Variants in SLC8A2 observed in about 807,000 individuals in gnomAD.
SLC8A2 encodes the protein solute carrier family 8 member A2.
Under a neutral mutation model 70.2 loss-of-function variants are expected in SLC8A2, and 14 were observed. The ratio of observed to expected loss-of-function variants is 0.20; its 90% CI spans 0.13 to 0.31. The LOEUF is 0.31. Among genes scored for constraint, SLC8A2 ranks in the 10% least tolerant of loss-of-function variants. The pLI is 1.00. For missense variants in SLC8A2, 779 were observed against 1,320.1 expected (o/e 0.59, Z 6.35); for synonymous variants, 575 against 594.3 (o/e 0.97, Z 0.47).
intron 8 of SLC8A2, among the ~76,000 whole-genome samples, chr19:47,435,572 G>A (rs1449946373): frequency 7.2e-6 from 1 of 138,388 alleles, no homozygotes; most frequent in Non-Finnish European, 1.5e-5. Context: ...TTTTTTAGAC[G>A]GAGTTTCGCT....
At chr19:47,464,505 C>T (rs1176699121) in intron 2 of SLC8A2, among the ~76,000 whole-genome samples, 3 of 152,192 alleles carry the variant, frequency 2.0e-5, no homozygotes, top group African/African-American at 7.2e-5. Context: ...TTCACCATGG[C>T]AGATGGGAAA....
At chr19:47,452,883 A>C (rs1443206732) in intron 3 of SLC8A2, among the ~76,000 whole-genome samples, 4 of 152,000 alleles carry the variant, frequency 2.6e-5, no homozygotes, top group African/African-American at 9.7e-5. Flanking sequence ...AAATACAAAA[A>C]TTAACCAGGT....
Position 47,430,484 on chromosome 19 carries a change from C to T in SLC8A2, c.2390-19G>A. 1 of 1,581,964 alleles carries T rather than the reference C, an allele frequency of 6.3e-7. No individual in the cohort carries two copies. The highest frequency in any genetic ancestry group is 1.1e-5 in the South Asian group (1 of 88,392). ...AACGTGTCTGCGAGGCAGAGACATACAGGTCGGAGGGGCTTTGCGCCGCCA... is the reference window on the plus strand; with the variant it reads ...AACGTGTCTGCGAGGCAGAGACATATAGGTCGGAGGGGCTTTGCGCCGCCA... On this transcript the variant is annotated intron_variant, in intron 9 of 9. Coordinates refer to ENST00000236877, the MANE Select transcript of SLC8A2 (RefSeq NM_015063.3). This position sits in a 1 kb window ranked among gnomAD's most constrained non-coding sequence, Gnocchi z 5.9.
At chr19:47,453,921 T>G (rs745785614) in intron 3 of SLC8A2, among the ~76,000 whole-genome samples, 18 of 151,946 alleles carry the variant, frequency 1.2e-4, no homozygotes, top group Non-Finnish European at 2.1e-4. Context: ...TGAGACTCTG[T>G]CTCAGACAAA....
intron 7 of SLC8A2, 127 bp downstream of exon 7, chr19:47,437,722 C>T: frequency 8.1e-7 from 1 of 1,238,676 alleles, no homozygotes; most frequent in Non-Finnish European, 1.2e-6. Context: ...CATGTGCTGT[C>T]CGTGGTCCTG....
rs185286968 is a variant in SLC8A2 at position 47,465,461 on chromosome 19, G to A, written c.675+268C>T. 3.3e-5 allele frequency among the ~76,000 whole-genome samples: 5 copies of A among 152,200 alleles called. No individual in the cohort carries two copies. Among genetic ancestry groups the A allele is most frequent in the South Asian group, 2.1e-4 (1 of 4,828 alleles). On this transcript the variant is annotated intron_variant, in intron 2 of 9. Coordinates refer to ENST00000236877, the MANE Select transcript of SLC8A2 (RefSeq NM_015063.3). The surrounding 1 kb of genome is among the most constrained non-coding windows in gnomAD (Gnocchi z 5.5). ...ACTGTTCTTAAGTGCAAAACAGTGCGTCCCTCTGGACAAATAAATGTTTGC... is the reference window on the plus strand; with the variant it reads ...ACTGTTCTTAAGTGCAAAACAGTGCATCCCTCTGGACAAATAAATGTTTGC...
At position 47,447,952 on chromosome 19, in the gene SLC8A2, G is replaced by A. The variant is rs370785847; in HGVS notation, c.1620C>T (p.Thr540=). 1.0e-4 allele frequency: 157 copies of A among 1,561,870 alleles called. No homozygotes were observed. The African/African-American group carries it at 1.9e-3, about 19-fold the overall frequency. ...RLLHVSECMG[T]VDVRVVRSSG... ...AGCTGCGCACGACGCGCACGTCCAC[G>A]GTGCCCATGCACTCGCTCACGTGCA... is the stretch of plus-strand genomic sequence containing the variant. The change falls in exon 4 of 10, where the codon ACC becomes ACT. Residue 540 remains threonine (T), a synonymous_variant. Coordinates refer to ENST00000236877, the MANE Select transcript of SLC8A2 (RefSeq NM_015063.3). This position sits in a 1 kb window ranked among gnomAD's most constrained non-coding sequence, Gnocchi z 5.1.
chr19:47,431,493 G>T (rs887300142), intron 9 of SLC8A2, among the ~76,000 whole-genome samples: 1 of 149,918 alleles, frequency 6.7e-6, no homozygotes, highest in African/African-American at 2.4e-5. Context: ...TACTAAAAAC[G>T]TAAAAATTAG....
At chr19:47,440,603 T>TC (rs1967088546) in intron 6 of SLC8A2, among the ~76,000 whole-genome samples, 1 of 151,358 alleles carries the variant, frequency 6.6e-6, no homozygotes, top group East Asian at 1.9e-4. Flanking sequence ...ATTTTTTTTT[T>TC]TATTTGAGGC....
intron 3 of SLC8A2, among the ~76,000 whole-genome samples, chr19:47,456,424 G>T (rs1431118859): frequency 6.6e-6 from 1 of 152,238 alleles, no homozygotes; most frequent in African/African-American, 2.4e-5. Flanking sequence ...AGCATTCTGG[G>T]AGGCCGAGGC....
intron 4 of SLC8A2, among the ~76,000 whole-genome samples, chr19:47,446,436 T>C (rs1443412210): frequency 6.6e-6 from 1 of 152,144 alleles, no homozygotes; most frequent in African/African-American, 2.4e-5. Flanking sequence ...GCGTGTTTTT[T>C]TTCTTTTTTT....
intron 8 of SLC8A2, 55 bp downstream of exon 8, chr19:47,437,407 C>T: frequency 8.2e-7 from 1 of 1,223,606 alleles, no homozygotes; most frequent in Non-Finnish European, 1.2e-6. Flanking sequence ...TCCCCCTTTC[C>T]CTGTGTCTCT....
chr19:47,432,762 G>C lies in SLC8A2; in HGVS notation c.2111-317C>G, dbSNP rs1966981164. On this transcript the variant is annotated intron_variant, in intron 8 of 9. Coordinates refer to ENST00000236877, the MANE Select transcript of SLC8A2 (RefSeq NM_015063.3). The surrounding 1 kb of genome is among the most constrained non-coding windows in gnomAD (Gnocchi z 6.2). ...GGAGCTAGGGGCATGACTGAGTCCA[G>C]GTAAAAAAATTTTACTTTCCCAGAA... is the stretch of plus-strand genomic sequence containing the variant. Among the ~76,000 whole-genome samples the C allele has an allele frequency of 3.3e-5, 5 of 151,722 alleles. No individual in the cohort carries two copies. The South Asian group carries it at 1.0e-3, about 32-fold the overall frequency.
chr19:47,457,238 C>T lies in SLC8A2; in HGVS notation c.1032G>A (p.Leu344=). The T allele has an allele frequency of 6.5e-7, 1 of 1,547,004 alleles. No homozygotes were observed. Among genetic ancestry groups the T allele is most frequent in the Admixed American group, 2.0e-5 (1 of 50,808 alleles). ...AGAAGGCGCGGCTCTTCTGCTGGTG[C>T]AGCAGCGCGTAGTAGTTGGCGATGC... is the stretch of plus-strand genomic sequence containing the variant. The part of the protein sequence containing the change: ...LVGIANYYAL[L]HQQKSRAFYR... The change falls in exon 3 of 10, where the codon CTG becomes CTA. Residue 344 remains leucine, a synonymous_variant. Transcript: ENST00000236877.
intron 1 of SLC8A2, among the ~76,000 whole-genome samples, chr19:47,467,868 G>A (rs954567242): frequency 6.8e-5 from 10 of 147,764 alleles, no homozygotes; most frequent in Non-Finnish European, 3.0e-5. Context: ...AAAGCCAGGT[G>A]TGGTGGCGTG....
intron 3 of SLC8A2, among the ~76,000 whole-genome samples, chr19:47,452,443 AGAGTGTGTGTGTGTGTGT>A (rs1967254242): frequency 7.2e-5 from 4 of 55,726 alleles, no homozygotes; most frequent in Non-Finnish European, 9.9e-5. Flanking sequence ...AGAGAGAGAG[AGAGTGTGTGTGTGTGTGT>A]GTGTGTGTGT....
chr19:47,460,433 C>T lies in SLC8A2; in HGVS notation c.676-2839G>A, dbSNP rs762615527. Among the ~76,000 whole-genome samples the T allele has an allele frequency of 6.2e-4, 95 of 152,314 alleles. No homozygotes were observed. In the Middle Eastern group the frequency reaches 0.014, roughly 22 times the overall value. On this transcript the variant is annotated intron_variant, in intron 2 of 9. Coordinates refer to ENST00000236877, the MANE Select transcript of SLC8A2 (RefSeq NM_015063.3). The stretch of plus-strand genomic sequence containing the variant: ...CATTGCCTGGCCAAGCGTGGTGGCT[C>T]ACGCCTGTAATCCCAGCACTTTGGG...
chr19:47,452,404 G>T (rs1365977414), intron 3 of SLC8A2, among the ~76,000 whole-genome samples: 17 of 40,984 alleles, frequency 4.1e-4, no homozygotes, highest in African/African-American at 1.3e-3. Flanking sequence ...TATGGAGAGA[G>T]AGAGAGAGAG....
At position 47,466,137 on chromosome 19, in the gene SLC8A2, G is replaced by T; in HGVS notation, c.267C>A (p.Ile89=). Residue 89 remains isoleucine, a synonymous_variant, in exon 2 of 10, where the codon ATC becomes ATA. Coordinates refer to ENST00000236877, the MANE Select transcript of SLC8A2 (RefSeq NM_015063.3). The surrounding 1 kb of genome is among the most constrained non-coding windows in gnomAD (Gnocchi z 6.9). ...CGATGGCCGCCATGAAACGGTCGGC[G>T]ATGATGGACACTCCCAGAAACATGT... ...MVYMFLGVSI[I]ADRFMAAIEV... The T allele has an allele frequency of 6.2e-7, 1 of 1,614,164 alleles. No individual in the cohort carries two copies. The highest frequency in any genetic ancestry group is 1.1e-5 in the South Asian group (1 of 91,082).
Sources: gnomAD v4.1 joint callset for allele counts (sites outside exome capture counted in the v4.1 genomes callset) on GRCh38, gnomAD v4.1.1 for gene constraint, Gnocchi (gnomAD v3.1) non-coding constraint, MANE v1.5 for transcripts, NCBI Gene and HGNC (gene_info 2026-07-23, HGNC 2026-07-21) for gene names.